RPH3A: variants seen among roughly 807,000 people sequenced by gnomAD.
The protein encoded by RPH3A is rabphilin-3A.
In RPH3A, 48 loss-of-function variants were observed where a neutral mutation model predicts 102.2. The ratio of observed to expected loss-of-function variants is 0.47; its 90% CI spans 0.37 to 0.60. The LOEUF (loss-of-function observed/expected upper bound fraction) is 0.60. Ranked by LOEUF, RPH3A falls within the 20% of genes least tolerant of loss-of-function variation. The pLI is 0.00. For missense variants in RPH3A, 781 were observed against 910.1 expected, an observed-to-expected ratio of 0.86 and a Z score of 1.83; for synonymous variants, 310 against 324.3, an observed-to-expected ratio of 0.96 and a Z score of 0.47.
rs397958107 is a variant in RPH3A, at chr12:112,713,051, C to CCTTCTTCTTCTT, written c.-139-79052_-139-79041dup. 3.3e-3 allele frequency among the ~76,000 whole-genome samples: 280 copies of CCTTCTTCTTCTT among 85,864 alleles called. 5 individuals are homozygous for CCTTCTTCTTCTT. The highest frequency in any genetic ancestry group is 9.2e-3 in the Middle Eastern group (2 of 218). 56.3% of individuals were successfully genotyped at this position (85,864 alleles called of 152,430 possible). A position where few individuals can be genotyped will look rare whatever the true frequency, so the allele number is the denominator to read the frequency against. On this transcript the variant is annotated intron_variant, in intron 1 of 21. Transcript: ENST00000543106. ...TTCTTCTTCTTCTTCTTCTTCTTCT[C>CCTTCTTCTTCTT]CTTCTTCTTCTTCTTCTTCTTCTTC...
At chr12:112,717,233 C>A (rs543824373) in intron 1 of RPH3A, among the ~76,000 whole-genome samples, 2 of 152,038 alleles carry the variant, frequency 1.3e-5, no homozygotes, top group Non-Finnish European at 2.9e-5. Context: ...TGAGTTTTGA[C>A]GAATGCATAG....
intron 10 of RPH3A, among the ~76,000 whole-genome samples, chr12:112,870,877 T>C (rs2042697109): frequency 6.6e-6 from 1 of 152,168 alleles, no homozygotes. Flanking sequence ...ATCCTCAACA[T>C]CAGGAAGTAT....
chr12:112,779,685 C>T (rs551040586), intron 1 of RPH3A, among the ~76,000 whole-genome samples: 1 of 152,234 alleles, frequency 6.6e-6, no homozygotes, highest in African/African-American at 2.4e-5. Flanking sequence ...TGACCACCAT[C>T]TCCATACCCA....
intron 1 of RPH3A, among the ~76,000 whole-genome samples, chr12:112,650,560 T>G (rs1251078334): frequency 6.6e-6 from 1 of 152,110 alleles, no homozygotes; most frequent in Non-Finnish European, 1.5e-5. Context: ...CTTTTATATA[T>G]CCTTTTTTAT....
chr12:112,589,647 A>G (rs2039462613), intron 1 of RPH3A, among the ~76,000 whole-genome samples: 1 of 152,202 alleles, frequency 6.6e-6, no homozygotes, highest in Non-Finnish European at 1.5e-5. Context: ...TTTTAATCAC[A>G]ACAATGAACA....
In RPH3A at chr12:112,843,464, C is replaced by T. The variant is rs73427063; in HGVS notation, c.84-4232C>T. 3.5e-3 allele frequency among the ~76,000 whole-genome samples: 528 copies of T among 152,306 alleles called. 4 individuals are homozygous for T. The highest frequency in any genetic ancestry group is 0.013 in the African/African-American group (520 of 41,570). ...AGCAGGGCTGCTCATCTGCAGTCTGCAGATGGAGGCAATTATCCTAGGCGG... is the reference window on the plus strand; with the variant it reads ...AGCAGGGCTGCTCATCTGCAGTCTGTAGATGGAGGCAATTATCCTAGGCGG... On this transcript the variant is annotated intron_variant, in intron 4 of 21. Transcript: ENST00000389385.
rs576734179 is a variant in RPH3A at position 112,882,396 on chromosome 12, G to A, written c.1326+550G>A. Among the ~76,000 whole-genome samples, 394 of 152,252 alleles carry A rather than the reference G, an allele frequency of 2.6e-3. 1 individual carries two copies. Among genetic ancestry groups the A allele is most frequent in the Non-Finnish European group, 4.7e-3 (321 of 68,028 alleles). ...CCAGAGTATATGGCTGGAAATGGAA[G>A]TGTGCCTGCCTGGTTTTTGTTTTGT... On this transcript the variant is annotated intron_variant, in intron 15 of 21. Transcript: ENST00000389385.
At chr12:112,801,658 G>A (rs1593015899) in intron 2 of RPH3A, among the ~76,000 whole-genome samples, 1 of 152,310 alleles carries the variant, frequency 6.6e-6, no homozygotes, top group African/African-American at 2.4e-5. Context: ...GGGCTTTGTA[G>A]ATTAGAAGAA....
At chr12:112,702,696 A>G (rs73419266) in intron 1 of RPH3A, among the ~76,000 whole-genome samples, 38,186 of 152,170 alleles carry the variant, frequency 0.25, 5,147 homozygotes, top group South Asian at 0.37. Context: ...CCCCACTTGT[A>G]GGAGCCTTTG....
intron 1 of RPH3A, among the ~76,000 whole-genome samples, chr12:112,708,413 G>A (rs377704376): frequency 9.8e-5 from 15 of 152,306 alleles, no homozygotes; most frequent in African/African-American, 2.9e-4. Context: ...GCCAGCGCTG[G>A]AATTGGCTTC....
chr12:112,765,154 C>T (rs111593473), intron 1 of RPH3A, among the ~76,000 whole-genome samples: 125 of 152,032 alleles, frequency 8.2e-4, no homozygotes, highest in African/African-American at 2.9e-3. Flanking sequence ...TGCATGGTCC[C>T]AGCTGGTCGT....
chr12:112,823,028 C>A (rs189544138), intron 2 of RPH3A, among the ~76,000 whole-genome samples: 2 of 152,280 alleles, frequency 1.3e-5, no homozygotes, highest in African/African-American at 4.8e-5. Flanking sequence ...GTTGCAGCTG[C>A]AGGGCTGGAT....
intron 2 of RPH3A, among the ~76,000 whole-genome samples, chr12:112,821,890 T>A (rs2041786645): frequency 6.6e-6 from 1 of 152,160 alleles, no homozygotes; most frequent in African/African-American, 2.4e-5. Context: ...ATTTTTTAAT[T>A]CTTCTAATTT....
chr12:112,659,812 C>T (rs1243677936), intron 1 of RPH3A, among the ~76,000 whole-genome samples: 4 of 152,150 alleles, frequency 2.6e-5, no homozygotes, highest in Non-Finnish European at 4.4e-5. Flanking sequence ...AGCTCTTTCA[C>T]GCTGACTCCT....
intron 1 of RPH3A, among the ~76,000 whole-genome samples, chr12:112,697,887 C>CT (rs1009689720): frequency 3.3e-5 from 5 of 151,096 alleles, no homozygotes; most frequent in African/African-American, 4.9e-5. Flanking sequence ...TCCAAACAGA[C>CT]TTTTTTTTTC....
chr12:112,714,122 T>C (rs1482884835), intron 1 of RPH3A, among the ~76,000 whole-genome samples: 2 of 152,150 alleles, frequency 1.3e-5, no homozygotes, highest in East Asian at 3.9e-4. Flanking sequence ...GTTAAGATTC[T>C]GTCCCAATGT....
At chr12:112,608,763 T>G (rs2039617470) in intron 1 of RPH3A, among the ~76,000 whole-genome samples, 1 of 152,206 alleles carries the variant, frequency 6.6e-6, no homozygotes, top group African/African-American at 2.4e-5. Context: ...GACCAAGCCT[T>G]CAAAATCTGC....
intron 1 of RPH3A, among the ~76,000 whole-genome samples, chr12:112,750,557 C>T (rs1431547544): frequency 1.3e-5 from 2 of 152,118 alleles, no homozygotes; most frequent in Non-Finnish European, 2.9e-5. Context: ...CCTGATACTT[C>T]TCCTTGACAT....
At chr12:112,663,562 G>T (rs1263716882) in intron 1 of RPH3A, among the ~76,000 whole-genome samples, 2 of 152,038 alleles carry the variant, frequency 1.3e-5, no homozygotes, top group Non-Finnish European at 2.9e-5. Context: ...TCACTATGTT[G>T]TTCTGGCTGA....
Sources: gnomAD v4.1 joint callset for allele counts (sites outside exome capture counted in the v4.1 genomes callset) on GRCh38, gnomAD v4.1.1 for gene constraint, MANE v1.5 for transcripts, NCBI Gene and HGNC (gene_info 2026-07-23, HGNC 2026-07-21) for gene names.